SORCS2: variants seen among roughly 807,000 people sequenced by gnomAD.
The protein encoded by SORCS2 is VPS10 domain-containing receptor SorCS2.
SORCS2 carries 100 observed loss-of-function variants against 141.6 expected under a neutral mutation model. That is an observed-to-expected ratio of 0.71 (90% confidence interval 0.60 to 0.83). The LOEUF (loss-of-function observed/expected upper bound fraction) is 0.83, where lower values mean the gene tolerates loss of function less well. Ranked by LOEUF, SORCS2 falls within the 40% of genes least tolerant of loss-of-function variation. The pLI is 0.00. For missense variants in SORCS2, 1,646 were observed against 1,560.2 expected (o/e 1.05, Z -0.93); for synonymous variants, 789 against 676.9 (o/e 1.17, Z -2.57).
rs76632230 is a variant in SORCS2, at chr4:7,562,342, T to C, written c.648+30713T>C. On this transcript the variant is annotated intron_variant, in intron 3 of 26. Coordinates refer to ENST00000507866, the MANE Select transcript of SORCS2 (RefSeq NM_020777.3). ...GGCCCTGAGGCAAAAAAAAGGTGGA[T>C]GGTCAGTGAGTGAGACTGAGCATGG... 5.9e-3 allele frequency among the ~76,000 whole-genome samples: 894 copies of C among 150,852 alleles called. 8 individuals are homozygous for C. Among genetic ancestry groups the C allele is most frequent in the African/African-American group, 0.02 (829 of 41,056 alleles).
Position 7,483,056 on chromosome 4 carries a change from C to T in SORCS2, c.549-48474C>T, listed in dbSNP as rs554812680. ...AAAGGAGAGGCCGGGCGCGGTGGCT[C>T]GTGCCTGTAATCCCAGCACTTTGGG... On this transcript the variant is annotated intron_variant, in intron 2 of 26. Transcript: ENST00000507866. Among the ~76,000 whole-genome samples the T allele has an allele frequency of 3.9e-5, 6 of 152,126 alleles. No individual in the cohort carries two copies. The South Asian group carries it at 6.2e-4, about 16-fold the overall frequency.
chr4:7,677,176 A>C (rs1318234129), intron 9 of SORCS2, among the ~76,000 whole-genome samples: 1 of 152,100 alleles, frequency 6.6e-6, no homozygotes, highest in Non-Finnish European at 1.5e-5. Context: ...GTCTGAGCTC[A>C]GATGGGAGCC....
intron 2 of SORCS2, among the ~76,000 whole-genome samples, chr4:7,499,445 T>C (rs1002213174): frequency 3.3e-5 from 5 of 152,254 alleles, no homozygotes; most frequent in Admixed American, 6.5e-5. Flanking sequence ...GGGATGCCAC[T>C]GCAGGGGCAC....
At chr4:7,461,411 C>G (rs993184430) in intron 2 of SORCS2, among the ~76,000 whole-genome samples, 1 of 152,172 alleles carries the variant, frequency 6.6e-6, no homozygotes, top group Non-Finnish European at 1.5e-5. Flanking sequence ...TCAGCCTGGC[C>G]GCGCCAAGGC....
intron 1 of SORCS2, among the ~76,000 whole-genome samples, chr4:7,376,098 G>A (rs927718399): frequency 4.6e-5 from 7 of 152,204 alleles, no homozygotes; most frequent in African/African-American, 1.7e-4. Context: ...CACATGGTAG[G>A]AGTGCAGTTG....
At chr4:7,372,209 T>C (rs1276758371) in intron 1 of SORCS2, among the ~76,000 whole-genome samples, 1 of 152,144 alleles carries the variant, frequency 6.6e-6, no homozygotes, top group African/African-American at 2.4e-5. Context: ...ATAAGTTGGG[T>C]GTTTGTAAGT....
At chr4:7,708,594 G>C (rs1309224929) in intron 14 of SORCS2, among the ~76,000 whole-genome samples, 1 of 152,172 alleles carries the variant, frequency 6.6e-6, no homozygotes, top group South Asian at 2.1e-4. Flanking sequence ...AGTCTGGGGG[G>C]CGTCTTCCCC....
intron 3 of SORCS2, among the ~76,000 whole-genome samples, chr4:7,587,709 G>A (rs1054711118): frequency 3.9e-5 from 6 of 152,164 alleles, no homozygotes; most frequent in African/African-American, 1.2e-4. Flanking sequence ...GGGCCCAGGC[G>A]TGTCTGCCCA....
At chr4:7,500,162 C>A (rs558326267) in intron 2 of SORCS2, among the ~76,000 whole-genome samples, 1 of 152,162 alleles carries the variant, frequency 6.6e-6, no homozygotes, top group African/African-American at 2.4e-5. Context: ...CCCGGTGGTA[C>A]GTCCAGCTCC....
chr4:7,308,665 AC>A lies in SORCS2; in HGVS notation c.481-87619del, dbSNP rs368767966. On this transcript the variant is annotated intron_variant, in intron 1 of 26. Coordinates refer to ENST00000507866, the MANE Select transcript of SORCS2 (RefSeq NM_020777.3). ...ACTGGCCACCCACAGCTCCTTGCCC[AC>A]CCCACACATCTCTTCTTCACTCCCC... 2.9e-4 allele frequency among the ~76,000 whole-genome samples: 44 copies of A among 151,640 alleles called. No individual in the cohort carries two copies. The South Asian group carries it at 3.3e-3, about 12-fold the overall frequency.
chr4:7,225,246 G>C (rs1354268685), intron 1 of SORCS2, among the ~76,000 whole-genome samples: 1 of 152,294 alleles, frequency 6.6e-6, no homozygotes. Context: ...TACTGTGATC[G>C]TGGCTATAGT....
intron 1 of SORCS2, among the ~76,000 whole-genome samples, chr4:7,292,728 G>A (rs1337738866): frequency 6.6e-6 from 1 of 152,172 alleles, no homozygotes. Flanking sequence ...GGCAGGGCTT[G>A]GGGCCTGGGT....
chr4:7,636,399 TAATG>T (rs1325467493), intron 3 of SORCS2, among the ~76,000 whole-genome samples: 1 of 152,186 alleles, frequency 6.6e-6, no homozygotes, highest in East Asian at 1.9e-4. Flanking sequence ...ATGAATGAAT[TAATG>T]AAGGAACGAA....
At chr4:7,432,681 G>A (rs1726958206) in intron 2 of SORCS2, 1 of 151,002 alleles carries the variant, frequency 6.6e-6, no homozygotes, top group Admixed American at 6.6e-5. Context: ...TAGTGGCTGA[G>A]ACATGGGGGG....
At chr4:7,385,490 C>G (rs1215003181) in intron 1 of SORCS2, among the ~76,000 whole-genome samples, 1 of 152,182 alleles carries the variant, frequency 6.6e-6, no homozygotes, top group Non-Finnish European at 1.5e-5. Context: ...AGCCTGTTGT[C>G]CTAGCTCCCT....
rs1032118482 is a variant in SORCS2 at position 7,661,497 on chromosome 4, C to T, written c.888-3C>T. 2.3e-5 allele frequency: 36 copies of T among 1,551,474 alleles called. No individual in the cohort carries two copies. Among genetic ancestry groups the T allele is most frequent in the Non-Finnish European group, 3.1e-5 (35 of 1,146,974 alleles). On this transcript the variant is annotated splice_polypyrimidine_tract_variant and splice_region_variant and intron_variant, in intron 5 of 26. Transcript: ENST00000507866. ...GACCCCAGCCTCAGCTCTTCTTTTC[C>T]AGGTCTGTGTCTGGGGTGGACGCTG...
At chr4:7,725,404 C>T in intron 20 of SORCS2, 117 bp downstream of exon 20, 1 of 1,395,522 alleles carries the variant, frequency 7.2e-7, no homozygotes, top group Non-Finnish European at 9.5e-7. Context: ...GGGTGCACTC[C>T]TCACCCTTGG....
intron 18 of SORCS2, among the ~76,000 whole-genome samples, chr4:7,718,440 C>T (rs925840432): frequency 2.6e-5 from 4 of 152,056 alleles, no homozygotes; most frequent in Non-Finnish European, 5.9e-5. Flanking sequence ...CCCCGCAGAG[C>T]AGAAGGAGAC....
intron 1 of SORCS2, among the ~76,000 whole-genome samples, chr4:7,238,553 G>A (rs757952484): frequency 1.6e-4 from 25 of 152,320 alleles, no homozygotes; most frequent in Admixed American, 8.5e-4. Flanking sequence ...GCCTGTGTGC[G>A]TGTGCTCACG....
Sources: gnomAD v4.1 joint callset for allele counts (sites outside exome capture counted in the v4.1 genomes callset) on GRCh38, gnomAD v4.1.1 for gene constraint, MANE v1.5 for transcripts, NCBI Gene and HGNC (gene_info 2026-07-23, HGNC 2026-07-21) for gene names.